The following WWOX variants were observed in gnomAD, a reference collection of about 807,000 sequenced individuals.
WWOX encodes the protein WW domain containing oxidoreductase.
In WWOX, 69 loss-of-function variants were observed where a neutral mutation model predicts 46.2. That is an observed-to-expected ratio of 1.49 (90% CI 1.23 to 1.82). The LOEUF (loss-of-function observed/expected upper bound fraction) is 1.82, where lower values mean the gene tolerates loss of function less well. WWOX is among the 40% of genes most tolerant of loss of function. The probability of loss-of-function intolerance (pLI) is 0.00; values close to 1 mark genes in which losing one functional copy is unlikely to be tolerated. For synonymous variants in WWOX, 359 were observed against 202.6 expected (o/e 1.77, Z -6.56); for missense variants, 919 against 542.6 (o/e 1.69, Z -6.89).
intron 8 of WWOX, among the ~76,000 whole-genome samples, chr16:79,164,060 C>T (rs574919335): frequency 1.1e-3 from 175 of 152,310 alleles, no homozygotes; most frequent in African/African-American, 4.0e-3. Context: ...GGCGTGATCG[C>T]GTTCACCCAT....
intron 5 of WWOX, among the ~76,000 whole-genome samples, chr16:78,195,075 C>G (rs905353785): frequency 6.6e-6 from 1 of 152,166 alleles, no homozygotes; most frequent in African/African-American, 2.4e-5. Context: ...GTGGGCTTCC[C>G]TGCTACACCC....
At chr16:78,954,948 C>T (rs892665464) in intron 8 of WWOX, among the ~76,000 whole-genome samples, 9 of 152,038 alleles carry the variant, frequency 5.9e-5, no homozygotes, top group Admixed American at 5.2e-4. Flanking sequence ...GGACACCATG[C>T]CAGTCTAATT....
chr16:78,323,833 A>G (rs144669140), intron 5 of WWOX, among the ~76,000 whole-genome samples: 1 of 152,184 alleles, frequency 6.6e-6, no homozygotes, highest in Non-Finnish European at 1.5e-5. Context: ...TTTTGAGCCT[A>G]AAACTGGATA....
intron 8 of WWOX, among the ~76,000 whole-genome samples, chr16:78,572,933 G>T (rs991152009): frequency 2.6e-5 from 4 of 152,136 alleles, no homozygotes; most frequent in Non-Finnish European, 5.9e-5. Flanking sequence ...CTTATGTGAA[G>T]TCTTGTTATA....
At chr16:79,042,124 C>T (rs926593781) in intron 8 of WWOX, among the ~76,000 whole-genome samples, 7 of 152,168 alleles carry the variant, frequency 4.6e-5, no homozygotes, top group Non-Finnish European at 7.4e-5. Context: ...CCTGCACCCA[C>T]GTTCCCCCGC....
intron 8 of WWOX, chr16:78,898,108 T>C (rs1016005121): frequency 1.3e-5 from 2 of 152,278 alleles, no homozygotes; most frequent in East Asian, 1.9e-4. Context: ...GTCTTGTCTA[T>C]TTATTCCTTA....
At chr16:78,339,988 T>C (rs1377850411) in intron 5 of WWOX, among the ~76,000 whole-genome samples, 2 of 83,328 alleles carry the variant, frequency 2.4e-5, no homozygotes, top group Admixed American at 1.2e-4. Flanking sequence ...CTTTCAGGGA[T>C]AGTTCTTCTA....
intron 8 of WWOX, among the ~76,000 whole-genome samples, chr16:79,135,962 C>A (rs1274012914): frequency 6.6e-6 from 1 of 152,156 alleles, no homozygotes; most frequent in Non-Finnish European, 1.5e-5. Flanking sequence ...TCACCACCTT[C>A]GAATGGCTGA....
chr16:79,100,269 A>G (rs2049165076), intron 8 of WWOX, among the ~76,000 whole-genome samples: 1 of 152,204 alleles, frequency 6.6e-6, no homozygotes, highest in South Asian at 2.1e-4. Flanking sequence ...TAAGATCAAG[A>G]TTAGAATGTC....
chr16:78,722,698 GTTTTTTT>G (rs56266240), intron 8 of WWOX, among the ~76,000 whole-genome samples: 1,689 of 116,298 alleles, frequency 0.015, 27 homozygotes, highest in African/African-American at 0.039. Flanking sequence ...GTTTGTCTCT[GTTTTTTT>G]TTTTTTTTTT....
At chr16:79,006,507 T>C (rs75855276) in intron 8 of WWOX, among the ~76,000 whole-genome samples, 1 of 146,236 alleles carries the variant, frequency 6.8e-6, no homozygotes, top group African/African-American at 2.5e-5. Context: ...TGAGTTACGC[T>C]TTTTTTTTTT....
intron 8 of WWOX, among the ~76,000 whole-genome samples, chr16:78,554,139 C>A (rs188719954): frequency 6.6e-6 from 1 of 152,090 alleles, no homozygotes; most frequent in Admixed American, 6.5e-5. Context: ...TTCTTGCTAC[C>A]ATGCAGAAAA....
chr16:78,214,968 C>T (rs1003833105), intron 5 of WWOX, among the ~76,000 whole-genome samples: 2 of 152,120 alleles, frequency 1.3e-5, no homozygotes, highest in Non-Finnish European at 2.9e-5. Context: ...ACAGAGACTA[C>T]CATGAGAATG....
intron 8 of WWOX, among the ~76,000 whole-genome samples, chr16:78,478,508 C>G (rs910534362): frequency 6.6e-6 from 1 of 152,134 alleles, no homozygotes; most frequent in African/African-American, 2.4e-5. Context: ...CCAGGTGTAA[C>G]ACACTAAGAA....
At chr16:78,647,304 C>A (rs141342862) in intron 8 of WWOX, among the ~76,000 whole-genome samples, 6 of 152,118 alleles carry the variant, frequency 3.9e-5, no homozygotes, top group Admixed American at 3.3e-4. Context: ...GATGCTGGCC[C>A]GGCCCAGGCG....
intron 8 of WWOX, among the ~76,000 whole-genome samples, chr16:79,085,664 CTG>C (rs1436605605): frequency 6.6e-6 from 1 of 152,152 alleles, no homozygotes; most frequent in African/African-American, 2.4e-5. Context: ...TTTATAATAA[CTG>C]TTAGTACCTA....
intron 8 of WWOX, among the ~76,000 whole-genome samples, chr16:78,474,592 A>C (rs2084311877): frequency 6.6e-6 from 1 of 152,206 alleles, no homozygotes; most frequent in Non-Finnish European, 1.5e-5. Flanking sequence ...ATTGAGAGAT[A>C]ATTTACATGC....
At chr16:79,005,634 C>A (rs1261179429) in intron 8 of WWOX, among the ~76,000 whole-genome samples, 1 of 152,170 alleles carries the variant, frequency 6.6e-6, no homozygotes, top group Non-Finnish European at 1.5e-5. Context: ...TCACCACCAT[C>A]TTCCTTGTCC....
chr16:79,065,936 A>G (rs1379762239), intron 8 of WWOX, among the ~76,000 whole-genome samples: 1 of 152,174 alleles, frequency 6.6e-6, no homozygotes, highest in Non-Finnish European at 1.5e-5. Context: ...GTTCTTGAAT[A>G]CCTTAGAAAG....
Sources: allele counts gnomAD v4.1 joint callset (sites outside exome capture counted in the v4.1 genomes callset), GRCh38; gene constraint gnomAD v4.1.1; transcripts MANE v1.5; gene names NCBI Gene and HGNC (gene_info 2026-07-23, HGNC 2026-07-21).